IQSEC1: variants seen among roughly 807,000 people sequenced by gnomAD.
IQSEC1 encodes IQ motif and SEC7 domain-containing protein 1.
Under a neutral mutation model 91.0 loss-of-function variants are expected in IQSEC1, and 31 were observed. The observed-to-expected ratio is 0.34, with a 90% CI of 0.26 to 0.46. The LOEUF (loss-of-function observed/expected upper bound fraction) is 0.46. Ranked by LOEUF, IQSEC1 falls within the 20% of genes least tolerant of loss-of-function variation. IQSEC1 has a pLI of 1.00. For synonymous variants in IQSEC1, 699 were observed against 662.6 expected, an observed-to-expected ratio of 1.05 and a Z score of -0.84; for missense variants, 1,388 against 1,575.6, an observed-to-expected ratio of 0.88 and a Z score of 2.02.
At chr3:13,154,793 G>T (rs1707060091) in intron 2 of IQSEC1, among the ~76,000 whole-genome samples, 1 of 151,956 alleles carries the variant, frequency 6.6e-6, no homozygotes, top group South Asian at 2.1e-4. Context: ...GTGGGATGAA[G>T]TAAGAAATCA....
At chr3:12,938,461 G>C (rs1698430756) in intron 2 of IQSEC1, among the ~76,000 whole-genome samples, 1 of 152,188 alleles carries the variant, frequency 6.6e-6, no homozygotes, top group Non-Finnish European at 1.5e-5. Flanking sequence ...GGGTGGAGGA[G>C]AAGAGCTGGG....
At chr3:13,109,465 C>T (rs1279469659) in intron 2 of IQSEC1, among the ~76,000 whole-genome samples, 2 of 152,108 alleles carry the variant, frequency 1.3e-5, no homozygotes, top group Non-Finnish European at 1.5e-5. Context: ...TGCACCTGCC[C>T]CCAGAGGCTG....
At chr3:13,209,817 G>C (rs932205935) in intron 1 of IQSEC1, among the ~76,000 whole-genome samples, 1 of 152,160 alleles carries the variant, frequency 6.6e-6, no homozygotes, top group African/African-American at 2.4e-5. Flanking sequence ...TGCTCCCTTG[G>C]GAATTCTTTT....
chr3:13,236,169 A>C (rs1694925244), intron 1 of IQSEC1, among the ~76,000 whole-genome samples: 1 of 152,116 alleles, frequency 6.6e-6, no homozygotes, highest in African/African-American at 2.4e-5. Context: ...CTAAGGCTGC[A>C]AGCTCCCCAC....
intron 1 of IQSEC1, among the ~76,000 whole-genome samples, chr3:13,265,890 TAAA>T (rs56803844): frequency 4.9e-5 from 6 of 121,418 alleles, no homozygotes; most frequent in Admixed American, 8.9e-5. Flanking sequence ...TACGGGCATT[TAAA>T]AAAAAAAAAA....
At position 12,992,947 on chromosome 3, in the gene IQSEC1, G is replaced by C. The variant is rs1236931886; in HGVS notation, c.24-51082C>G. ...TCTGCCAACCCACCCTGCCTGCTTA[G>C]AGCCCAAGGGCAGGTGGTTTTGTAG... On this transcript the variant is annotated intron_variant, in intron 1 of 13. Transcript: ENST00000613206. This position sits in a 1 kb window ranked among gnomAD's most constrained non-coding sequence, Gnocchi z 4.1. Among the ~76,000 whole-genome samples the C allele has an allele frequency of 6.6e-6, 1 of 152,166 alleles. No individual in the cohort carries two copies. Among genetic ancestry groups the C allele is most frequent in the Non-Finnish European group, 1.5e-5 (1 of 68,010 alleles).
At position 13,003,091 on chromosome 3, in the gene IQSEC1, G is replaced by A. The variant is rs186728040; in HGVS notation, c.24-61226C>T. Among the ~76,000 whole-genome samples the A allele has an allele frequency of 9.2e-5, 14 of 152,030 alleles. No individual in the cohort carries two copies. The East Asian group carries it at 2.1e-3, about 23-fold the overall frequency. On this transcript the variant is annotated intron_variant, in intron 1 of 13. Coordinates refer to ENST00000613206, the MANE Select transcript of IQSEC1 (RefSeq NM_001134382.3). ...GAAATGACCCACATGTCCATCAACC[G>A]GGGAATGGATAAACTAACTACAGTG...
chr3:12,913,848 C>T (rs1695807234), intron 8 of IQSEC1, among the ~76,000 whole-genome samples: 1 of 152,196 alleles, frequency 6.6e-6, no homozygotes, highest in African/African-American at 2.4e-5. Flanking sequence ...TGGGCAGGTA[C>T]CAGGCTTCTT....
At chr3:13,180,428 C>T (rs1693819105) in intron 1 of IQSEC1, among the ~76,000 whole-genome samples, 1 of 152,066 alleles carries the variant, frequency 6.6e-6, no homozygotes, top group African/African-American at 2.4e-5. Context: ...ATGTCTAGCT[C>T]ACGGATTATA....
intron 1 of IQSEC1, among the ~76,000 whole-genome samples, chr3:13,055,868 G>A (rs1442224280): frequency 1.3e-5 from 2 of 152,138 alleles, no homozygotes; most frequent in African/African-American, 4.8e-5. Flanking sequence ...CAGGCCCGGG[G>A]TGGGGCAGGC....
chr3:13,065,808 A>G (rs1370271003), intron 1 of IQSEC1, among the ~76,000 whole-genome samples: 1 of 152,252 alleles, frequency 6.6e-6, no homozygotes, highest in Non-Finnish European at 1.5e-5. Context: ...AGCACTATTC[A>G]CAACAGCCAA....
At chr3:13,234,092 G>A (rs1274097985) in intron 1 of IQSEC1, among the ~76,000 whole-genome samples, 1 of 152,200 alleles carries the variant, frequency 6.6e-6, no homozygotes, top group Non-Finnish European at 1.5e-5. Flanking sequence ...TCCAATGCTG[G>A]GTTTGTCTAA....
Position 12,899,582 on chromosome 3 carries a change from G to T in IQSEC1, c.*1401C>A. 1 of 1,469,848 alleles carries T rather than the reference G, an allele frequency of 6.8e-7. No individual in the cohort carries two copies. Among genetic ancestry groups the T allele is most frequent in the South Asian group, 1.4e-5 (1 of 73,182 alleles). 91.1% of individuals were successfully genotyped at this position (1,469,848 alleles called of 1,614,324 possible). On this transcript the variant is annotated 3_prime_UTR_variant, in exon 14 of 14. Coordinates refer to ENST00000613206, the MANE Select transcript of IQSEC1 (RefSeq NM_001134382.3). ...GCCCTGGCAGCTCACTGGACCATGGGAAGGCAGCGGGGGCTCCGCCGGGCA... is the reference window on the plus strand; with the variant it reads ...GCCCTGGCAGCTCACTGGACCATGGTAAGGCAGCGGGGGCTCCGCCGGGCA...
At chr3:13,120,166 C>T in intron 2 of IQSEC1, among the ~76,000 whole-genome samples, 1 of 152,210 alleles carries the variant, frequency 6.6e-6, no homozygotes, top group Non-Finnish European at 1.5e-5. Context: ...AGAACGCAGT[C>T]TGCAGCAGCA....
intron 2 of IQSEC1, among the ~76,000 whole-genome samples, chr3:13,129,647 T>G (rs1444866542): frequency 6.7e-6 from 1 of 148,174 alleles, no homozygotes; most frequent in East Asian, 2.0e-4. Flanking sequence ...TTTAGTAACA[T>G]CTTATGAATT....
intron 2 of IQSEC1, among the ~76,000 whole-genome samples, chr3:13,114,828 C>T (rs1329852581): frequency 2.0e-5 from 3 of 151,006 alleles, no homozygotes; most frequent in African/African-American, 7.3e-5. Context: ...AAATATGTGA[C>T]CTTGGAAGGA....
At chr3:13,071,637 C>T (rs1466865543) in intron 1 of IQSEC1, among the ~76,000 whole-genome samples, 3 of 152,204 alleles carry the variant, frequency 2.0e-5, no homozygotes, top group African/African-American at 4.8e-5. Flanking sequence ...GTGCTCTGCT[C>T]GCATCGACAA....
intron 2 of IQSEC1, among the ~76,000 whole-genome samples, chr3:13,095,193 T>C (rs2125145785): frequency 6.6e-6 from 1 of 152,240 alleles, no homozygotes; most frequent in African/African-American, 2.4e-5. Context: ...GTATACACTG[T>C]CTTTCCCAGA....
At chr3:12,964,921 C>A (rs1324383358) in intron 1 of IQSEC1, among the ~76,000 whole-genome samples, 1 of 152,218 alleles carries the variant, frequency 6.6e-6, no homozygotes, top group Non-Finnish European at 1.5e-5. Flanking sequence ...CCAGTTGTCA[C>A]ACTGTTTGAC....
Sources: allele counts gnomAD v4.1 joint callset (sites outside exome capture counted in the v4.1 genomes callset), GRCh38; gene constraint gnomAD v4.1.1; non-coding constraint Gnocchi (gnomAD v3.1); transcripts MANE v1.5; gene names NCBI Gene and HGNC (gene_info 2026-07-23, HGNC 2026-07-21).